Variants in RAB3C observed in about 807,000 individuals in gnomAD.
The protein encoded by RAB3C is RAB3C, member RAS oncogene family.
Under a neutral mutation model 26.4 loss-of-function variants are expected in RAB3C, and 17 were observed. That is an observed-to-expected ratio of 0.64 (90% CI 0.44 to 0.97). RAB3C has a LOEUF of 0.97. Ranked by LOEUF, RAB3C falls within the 50% of genes least tolerant of loss-of-function variation. RAB3C has a pLI of 0.00. For missense variants in RAB3C, 242 were observed against 281.9 expected (o/e 0.86, Z 1.01); for synonymous variants, 91 against 95.9 (o/e 0.95, Z 0.30).
At chr5:58,790,563 T>C (rs1377522406) in intron 3 of RAB3C, among the ~76,000 whole-genome samples, 1 of 152,086 alleles carries the variant, frequency 6.6e-6, no homozygotes, top group African/African-American at 2.4e-5. Context: ...CCACTAGCCC[T>C]GATATGCAGG....
chr5:58,677,766 C>T (rs1018788201), intron 2 of RAB3C, among the ~76,000 whole-genome samples: 2 of 152,000 alleles, frequency 1.3e-5, no homozygotes, highest in African/African-American at 4.8e-5. Flanking sequence ...TGAAGATATC[C>T]TAGAGAATTG....
chr5:58,775,423 A>G (rs999378370), intron 3 of RAB3C, among the ~76,000 whole-genome samples: 1 of 152,082 alleles, frequency 6.6e-6, no homozygotes, highest in Non-Finnish European at 1.5e-5. Flanking sequence ...TAATGAAATC[A>G]TGACAGCCAC....
chr5:58,746,297 A>T (rs1441135292), intron 3 of RAB3C, among the ~76,000 whole-genome samples: 1 of 152,168 alleles, frequency 6.6e-6, no homozygotes. Context: ...TGTCCTGTGC[A>T]TTATCAGGCA....
At chr5:58,745,701 A>G (rs1741389228) in intron 3 of RAB3C, among the ~76,000 whole-genome samples, 1 of 152,216 alleles carries the variant, frequency 6.6e-6, no homozygotes, top group East Asian at 1.9e-4. Flanking sequence ...TCTCCTGGCC[A>G]GGATCAATTG....
In RAB3C at chr5:58,591,758, T is replaced by C. The variant is rs138522452; in HGVS notation, c.24+8526T>C. Among the ~76,000 whole-genome samples the C allele has an allele frequency of 5.3e-3, 799 of 151,060 alleles. 5 individuals are homozygous for C. Among genetic ancestry groups the C allele is most frequent in the African/African-American group, 0.018 (736 of 41,404 alleles). ...TCATATATTACAATTATCAGTATGA[T>C]TGAATTTAAGTCTACCATTTTGTTT... On this transcript the variant is annotated intron_variant, in intron 1 of 4. Transcript: ENST00000282878.
At chr5:58,719,259 G>C (rs987427706) in intron 2 of RAB3C, among the ~76,000 whole-genome samples, 1 of 151,972 alleles carries the variant, frequency 6.6e-6, no homozygotes, top group African/African-American at 2.4e-5. Flanking sequence ...AGTTTTTAAA[G>C]TAACAAGATA....
rs528546438 is a variant in RAB3C at position 58,857,407 on chromosome 5, C to T, written c.*6056C>T. 3 of 152,254 alleles carry T rather than the reference C, an allele frequency of 2.0e-5. No individual in the cohort carries two copies. The South Asian group carries it at 6.2e-4, about 32-fold the overall frequency. The allele number at this position is 152,254 out of a possible 1,614,324, so 9.4% of individuals were successfully genotyped here. A position where few individuals can be genotyped will look rare whatever the true frequency, so the allele number is the denominator to read the frequency against. On this transcript the variant is annotated 3_prime_UTR_variant, in exon 5 of 5. Coordinates refer to ENST00000282878, the MANE Select transcript of RAB3C (RefSeq NM_138453.4). ...TGGCTGTTCATTTATTTTATAAAAGCATCTCCTTCTATAACTCAAAATTTT... is the reference window on the plus strand; with the variant it reads ...TGGCTGTTCATTTATTTTATAAAAGTATCTCCTTCTATAACTCAAAATTTT...
chr5:58,714,383 A>G (rs1749125035), intron 2 of RAB3C, among the ~76,000 whole-genome samples: 1 of 152,184 alleles, frequency 6.6e-6, no homozygotes, highest in Non-Finnish European at 1.5e-5. Flanking sequence ...CATTATTCAT[A>G]AGTAAGGGTT....
At chr5:58,690,286 C>T (rs1748542514) in intron 2 of RAB3C, among the ~76,000 whole-genome samples, 2 of 152,000 alleles carry the variant, frequency 1.3e-5, no homozygotes, top group African/African-American at 4.8e-5. Context: ...ATTCCTGTTT[C>T]AGTTATTTAT....
chr5:58,824,792 C>T (rs1743436280), intron 3 of RAB3C, among the ~76,000 whole-genome samples: 1 of 152,106 alleles, frequency 6.6e-6, no homozygotes, highest in South Asian at 2.1e-4. Context: ...TGGTATTAAT[C>T]TCATTAAATA....
At chr5:58,665,566 G>A (rs1279200772) in intron 2 of RAB3C, among the ~76,000 whole-genome samples, 1 of 152,118 alleles carries the variant, frequency 6.6e-6, no homozygotes, top group African/African-American at 2.4e-5. Context: ...TCAGATTGAA[G>A]TAGTACAATA....
intron 3 of RAB3C, among the ~76,000 whole-genome samples, chr5:58,754,447 T>C (rs1434448870): frequency 6.6e-6 from 1 of 151,964 alleles, no homozygotes; most frequent in African/African-American, 2.4e-5. Context: ...CTTGCCAAAA[T>C]GAAAAGAGGT....
chr5:58,679,478 T>C lies in RAB3C; in HGVS notation c.253-46524T>C, dbSNP rs560744073. 3.9e-5 allele frequency among the ~76,000 whole-genome samples: 6 copies of C among 152,332 alleles called. No homozygotes were observed. In the South Asian group the frequency reaches 8.3e-4, roughly 21 times the overall value. On this transcript the variant is annotated intron_variant, in intron 2 of 4. Coordinates refer to ENST00000282878, the MANE Select transcript of RAB3C (RefSeq NM_138453.4). Reference sequence around the variant, plus strand: ...TTTTTTGAGGTAGACAATTCTGTTATAGTACAAGCCTGTGTCTTTATCTAG... The same window carrying C: ...TTTTTTGAGGTAGACAATTCTGTTACAGTACAAGCCTGTGTCTTTATCTAG...
intron 2 of RAB3C, among the ~76,000 whole-genome samples, chr5:58,644,912 T>C (rs535989508): frequency 2.6e-5 from 4 of 152,350 alleles, no homozygotes; most frequent in Non-Finnish European, 4.4e-5. Context: ...GCCTGTCCCT[T>C]AAGCAGTGCA....
chr5:58,822,066 G>C (rs1406293710), intron 3 of RAB3C, among the ~76,000 whole-genome samples: 1 of 152,042 alleles, frequency 6.6e-6, no homozygotes, highest in Non-Finnish European at 1.5e-5. Context: ...CCACCACCAG[G>C]TAATATGTCT....
At chr5:58,774,125 G>A (rs955051900) in intron 3 of RAB3C, among the ~76,000 whole-genome samples, 1 of 152,138 alleles carries the variant, frequency 6.6e-6, no homozygotes, top group African/African-American at 2.4e-5. Flanking sequence ...ACTCCCTAGT[G>A]TAGCACCTGA....
intron 4 of RAB3C, among the ~76,000 whole-genome samples, chr5:58,844,714 T>C (rs965458374): frequency 6.6e-6 from 1 of 152,192 alleles, no homozygotes; most frequent in South Asian, 2.1e-4. Context: ...AGCTTGGGAA[T>C]AGAAACTTAA....
intron 2 of RAB3C, among the ~76,000 whole-genome samples, chr5:58,649,378 C>T (rs901035245): frequency 6.6e-6 from 1 of 152,026 alleles, no homozygotes; most frequent in East Asian, 1.9e-4. Context: ...CTCACTGGCA[C>T]TAACTTGCTT....
At chr5:58,758,536 A>G (rs1249363225) in intron 3 of RAB3C, among the ~76,000 whole-genome samples, 2 of 152,200 alleles carry the variant, frequency 1.3e-5, no homozygotes, top group African/African-American at 4.8e-5. Flanking sequence ...TCATTTCTTC[A>G]ATAGATCTGT....
Sources: gnomAD v4.1 joint callset for allele counts (sites outside exome capture counted in the v4.1 genomes callset) on GRCh38, gnomAD v4.1.1 for gene constraint, MANE v1.5 for transcripts, NCBI Gene and HGNC (gene_info 2026-07-23, HGNC 2026-07-21) for gene names.